Variants in TRUB2 observed in about 807,000 individuals in gnomAD.
TRUB2 encodes pseudouridylate synthase TRUB2, mitochondrial.
Under a neutral mutation model 31.9 loss-of-function variants are expected in TRUB2, and 31 were observed. That is an observed-to-expected ratio of 0.97 (90% CI 0.73 to 1.31). TRUB2 has a LOEUF of 1.31. Ranked by LOEUF, TRUB2 falls within the 50% of genes most tolerant of loss-of-function variation. TRUB2 has a pLI of 0.00. For synonymous variants in TRUB2, 201 were observed against 182.6 expected (o/e 1.10, Z -0.81); for missense variants, 451 against 439.6 (o/e 1.03, Z -0.23).
At chr9:128,320,391 G>C (rs1205942688) in intron 2 of TRUB2, among the ~76,000 whole-genome samples, 1 of 151,062 alleles carries the variant, frequency 6.6e-6, no homozygotes, top group Non-Finnish European at 1.5e-5. Context: ...AGAGTGCAAT[G>C]GCACAACCTA....
chr9:128,310,873 C>A lies in TRUB2; in HGVS notation c.670+14G>T. 1 of 1,613,960 alleles carries A rather than the reference C, an allele frequency of 6.2e-7. No homozygotes were observed. On this transcript the variant is annotated intron_variant, in intron 7 of 7. Coordinates refer to ENST00000372890, the MANE Select transcript of TRUB2 (RefSeq NM_015679.3). ...GGTCCCATCTCACTGCTCCAACTTCCTTGGCCAACCTACCTAAGAGGAATT... is the reference window on the plus strand; with the variant it reads ...GGTCCCATCTCACTGCTCCAACTTCATTGGCCAACCTACCTAAGAGGAATT...
chr9:128,314,472 C>A (rs1832033971), intron 4 of TRUB2, among the ~76,000 whole-genome samples: 1 of 152,086 alleles, frequency 6.6e-6, no homozygotes, highest in Non-Finnish European at 1.5e-5. Flanking sequence ...CCCCATCTGC[C>A]ACAGATAAGT....
intron 5 of TRUB2, among the ~76,000 whole-genome samples, chr9:128,312,192 A>C (rs780807953): frequency 4.3e-5 from 6 of 139,608 alleles, no homozygotes; most frequent in Non-Finnish European, 7.7e-5. Flanking sequence ...GCTGGAGTGC[A>C]AATGGCACAA....
rs1178186443 is a variant in TRUB2, at chr9:128,312,041, T to C, written c.461-440A>G. Among the ~76,000 whole-genome samples the C allele has an allele frequency of 2.0e-5, 3 of 151,770 alleles. No individual in the cohort carries two copies. The East Asian group carries it at 5.8e-4, about 29-fold the overall frequency. On this transcript the variant is annotated intron_variant, in intron 5 of 7. Transcript: ENST00000372890. ...TAGTAGCAAGGGGGTTTCACCGTGT[T>C]AGCCAGGATGGTCTCGATCTCCTGA...
intron 6 of TRUB2, 55 bp downstream of exon 6, chr9:128,311,474 C>T (rs1385161072): frequency 2.1e-5 from 33 of 1,572,178 alleles, no homozygotes; most frequent in Admixed American, 2.0e-4. Flanking sequence ...GGGGAGCCTA[C>T]GGGAGCCAAG....
intron 2 of TRUB2, among the ~76,000 whole-genome samples, chr9:128,318,439 T>A (rs1832104091): frequency 6.6e-6 from 1 of 151,814 alleles, no homozygotes; most frequent in Non-Finnish European, 1.5e-5. Flanking sequence ...TCACCTGGAG[T>A]CCCAGAATAG....
chr9:128,321,502 CA>C, intron 2 of TRUB2, 96 bp downstream of exon 2: 1 of 1,588,186 alleles, frequency 6.3e-7, no homozygotes. Flanking sequence ...TGTGGACCTT[CA>C]AGGGCCTGGC....
chr9:128,322,151 A>G (rs1410742809), intron 1 of TRUB2, 149 bp downstream of exon 1: 5 of 637,226 alleles, frequency 7.8e-6, no homozygotes, highest in Middle Eastern at 2.5e-4. Context: ...GAAAGTGAGG[A>G]GTAAGAAAGC....
intron 6 of TRUB2, 123 bp from the exon 7 acceptor site, chr9:128,311,146 T>G: frequency 7.6e-7 from 1 of 1,320,446 alleles, no homozygotes; most frequent in Non-Finnish European, 1.0e-6. Context: ...TCCAGCCACC[T>G]TTCCTGCCCT....
At chr9:128,313,988 T>G in intron 4 of TRUB2, 99 bp from the exon 5 acceptor site, 1 of 1,054,568 alleles carries the variant, frequency 9.5e-7, no homozygotes, top group Non-Finnish European at 1.4e-6. Flanking sequence ...CAGGTCTCCC[T>G]CAGGAAGCTC....
At position 128,321,266 on chromosome 9, in the gene TRUB2, C is replaced by A. The variant is rs375494714; in HGVS notation, c.241+333G>T. ...ACTCATGGACTCAGAGGCAACTGTACTTAGTGACACGTGAAAATTACCTGA... is the reference window on the plus strand; with the variant it reads ...ACTCATGGACTCAGAGGCAACTGTAATTAGTGACACGTGAAAATTACCTGA... On this transcript the variant is annotated intron_variant, in intron 2 of 7. Coordinates refer to ENST00000372890, the MANE Select transcript of TRUB2 (RefSeq NM_015679.3). Among the ~76,000 whole-genome samples the A allele has an allele frequency of 7.9e-5, 12 of 152,296 alleles. No homozygotes were observed. In the East Asian group the frequency reaches 1.2e-3, roughly 15 times the overall value.
rs145945827 is a variant in TRUB2, at chr9:128,314,293, G to A, written c.379-404C>T. Among the ~76,000 whole-genome samples the A allele has an allele frequency of 5.3e-5, 8 of 152,162 alleles. No homozygotes were observed. In the East Asian group the frequency reaches 1.4e-3, roughly 26 times the overall value. On this transcript the variant is annotated intron_variant, in intron 4 of 7. Coordinates refer to ENST00000372890, the MANE Select transcript of TRUB2 (RefSeq NM_015679.3). ...CCCTGTGGCCACCCCAGGCCTCCAT[G>A]TTTCTCCTCTCCAACCTAACTCGGC...
chr9:128,319,941 A>C lies in TRUB2; in HGVS notation c.241+1658T>G, dbSNP rs1176024504. On this transcript the variant is annotated intron_variant, in intron 2 of 7. Coordinates refer to ENST00000372890, the MANE Select transcript of TRUB2 (RefSeq NM_015679.3). ...GCCACTTTTTTTTTTTTTGAGACTG[A>C]GTCTCGCTGTGTCGCCCAGGCTGGA... 7.5e-5 allele frequency among the ~76,000 whole-genome samples: 11 copies of C among 146,814 alleles called. No individual in the cohort carries two copies. The South Asian group carries it at 2.4e-3, about 31-fold the overall frequency.
At chr9:128,314,715 G>T (rs980936497) in intron 4 of TRUB2, among the ~76,000 whole-genome samples, 1 of 151,944 alleles carries the variant, frequency 6.6e-6, no homozygotes, top group South Asian at 2.1e-4. Context: ...CACTGAGCCC[G>T]GCCACAATTT....
intron 5 of TRUB2, among the ~76,000 whole-genome samples, chr9:128,313,375 T>C (rs1462134951): frequency 7.6e-6 from 1 of 131,584 alleles, no homozygotes; most frequent in Non-Finnish European, 1.6e-5. Flanking sequence ...CTACTAAAAA[T>C]ACAAAAAAAA....
At chr9:128,321,788 T>G (rs1832185741) in intron 1 of TRUB2, 58 bp from the exon 2 acceptor site, 1 of 1,524,148 alleles carries the variant, frequency 6.6e-7, no homozygotes, top group Non-Finnish European at 8.9e-7. Flanking sequence ...ACATATAAAA[T>G]ATTTTTTAAG....
In TRUB2 at chr9:128,308,717, C is replaced by G. The variant is rs1239351451; in HGVS notation, c.*833G>C. The G allele has an allele frequency of 6.6e-6, 1 of 152,042 alleles. No homozygotes were observed. The highest frequency in any genetic ancestry group is 1.5e-5 in the Non-Finnish European group (1 of 68,024). The allele number at this position is 152,042 out of a possible 1,614,324, so 9.4% of individuals were successfully genotyped here. ...CCTGTAATCCCAGCACTTTGGGAGG[C>G]TGAGCCAGGCCAACATGGTGAAACC... On this transcript the variant is annotated 3_prime_UTR_variant, in exon 8 of 8. Coordinates refer to ENST00000372890, the MANE Select transcript of TRUB2 (RefSeq NM_015679.3).
At position 128,313,843 on chromosome 9, in the gene TRUB2, CG is replaced by C; in HGVS notation, c.424del (p.Arg142ValfsTer7). On this transcript the variant is annotated frameshift_variant, in exon 5 of 8. Coordinates refer to ENST00000372890, the MANE Select transcript of TRUB2 (RefSeq NM_015679.3). LOFTEE classifies it high-confidence loss of function. ...GLLGKATDDF[R>X]EDGRLVEKTT... ...CTTCTCTACCAGCCTCCCGTCCTCA[CG>C]GAAGTCATCTGTAGCTTTGCCCAGG... is the stretch of plus-strand genomic sequence containing the variant. 6.2e-7 allele frequency: 1 copy of C among 1,614,220 alleles called. No individual in the cohort carries two copies. The highest frequency in any genetic ancestry group is 8.5e-7 in the Non-Finnish European group (1 of 1,180,034).
At chr9:128,311,237 C>T in intron 6 of TRUB2, 1 of 658,772 alleles carries the variant, frequency 1.5e-6, no homozygotes, top group Non-Finnish European at 2.6e-6. Context: ...TCCTTGGCTG[C>T]TCTTGCCCTT....
Sources: allele counts gnomAD v4.1 joint callset (sites outside exome capture counted in the v4.1 genomes callset), GRCh38; gene constraint gnomAD v4.1.1; transcripts MANE v1.5; gene names NCBI Gene and HGNC (gene_info 2026-07-23, HGNC 2026-07-21).